JARID2: variants seen among roughly 807,000 people sequenced by gnomAD.
The protein encoded by JARID2 is protein Jumonji.
Under a neutral mutation model 125.6 loss-of-function variants are expected in JARID2, and 21 were observed. The observed-to-expected ratio is 0.17, with a 90% confidence interval of 0.12 to 0.24. The LOEUF (loss-of-function observed/expected upper bound fraction) is 0.24, where lower values mean the gene tolerates loss of function less well. Among genes scored for constraint, JARID2 ranks in the 10% least tolerant of loss-of-function variants. The probability of loss-of-function intolerance (pLI) is 1.00; values close to 1 mark genes in which losing one functional copy is unlikely to be tolerated. For missense variants in JARID2, 1,303 were observed against 1,639.6 expected (o/e 0.79, Z 3.55); for synonymous variants, 736 against 661.6 (o/e 1.11, Z -1.73).
chr6:15,345,776 A>G (rs1763223888), intron 1 of JARID2, among the ~76,000 whole-genome samples: 1 of 152,186 alleles, frequency 6.6e-6, no homozygotes, highest in Non-Finnish European at 1.5e-5. Flanking sequence ...TACATGGGCA[A>G]CATTGTAGTT....
At chr6:15,360,860 C>CA (rs199994681) in intron 1 of JARID2, among the ~76,000 whole-genome samples, 2,506 of 152,034 alleles carry the variant, frequency 0.016, 66 homozygotes, top group African/African-American at 0.057. Flanking sequence ...CCTTGTTAGC[C>CA]AAAAAAAGGC....
At chr6:15,363,009 G>T (rs1214663666) in intron 1 of JARID2, among the ~76,000 whole-genome samples, 1 of 152,118 alleles carries the variant, frequency 6.6e-6, no homozygotes, top group Non-Finnish European at 1.5e-5. Flanking sequence ...TTGTCAAGAA[G>T]ATGATTTAGT....
intron 1 of JARID2, among the ~76,000 whole-genome samples, chr6:15,343,108 A>T (rs373118999): frequency 2.6e-5 from 4 of 151,900 alleles, no homozygotes; most frequent in Admixed American, 1.3e-4. Context: ...TCATATCTGT[A>T]ATCGCAGCTA....
chr6:15,445,862 G>A (rs1288388264), intron 3 of JARID2, among the ~76,000 whole-genome samples: 2 of 152,194 alleles, frequency 1.3e-5, no homozygotes, highest in Admixed American at 6.5e-5. Flanking sequence ...CTGGTGCCTA[G>A]TTGGTATTTT....
At chr6:15,387,787 G>A (rs1764844230) in intron 2 of JARID2, among the ~76,000 whole-genome samples, 1 of 152,142 alleles carries the variant, frequency 6.6e-6, no homozygotes, top group Non-Finnish European at 1.5e-5. Context: ...AACTGCTTTT[G>A]ACAGGGGGAT....
intron 3 of JARID2, among the ~76,000 whole-genome samples, chr6:15,420,966 A>ACCCAACAAGC (rs1318533065): frequency 2.0e-5 from 3 of 152,226 alleles, no homozygotes; most frequent in Non-Finnish European, 4.4e-5. Flanking sequence ...GTAGCTTCCT[A>ACCCAACAAGC]ACACAAATGT....
chr6:15,497,318 C>CTCAACG, intron 7 of JARID2, 148 bp downstream of exon 7: 3 of 664,974 alleles, frequency 4.5e-6, no homozygotes, highest in Non-Finnish European at 7.6e-6. Context: ...TCAGCTCATT[C>CTCAACG]CCCCTGCAGC....
intron 5 of JARID2, among the ~76,000 whole-genome samples, chr6:15,469,850 T>C (rs539090748): frequency 4.0e-5 from 6 of 151,876 alleles, no homozygotes; most frequent in East Asian, 1.9e-4. Context: ...CCTGAACCAA[T>C]TGGAATTGCA....
intron 6 of JARID2, among the ~76,000 whole-genome samples, chr6:15,495,459 C>T (rs1362306654): frequency 6.6e-6 from 1 of 152,222 alleles, no homozygotes; most frequent in African/African-American, 2.4e-5. Context: ...CAGCCTGGCC[C>T]TGTCCAGGGC....
intron 5 of JARID2, among the ~76,000 whole-genome samples, chr6:15,484,159 C>T (rs1006898406): frequency 1.3e-5 from 2 of 151,758 alleles, no homozygotes; most frequent in African/African-American, 2.4e-5. Flanking sequence ...ACTGATCTGA[C>T]CATACGTCGC....
intron 2 of JARID2, among the ~76,000 whole-genome samples, chr6:15,396,029 A>T (rs1420909749): frequency 2.0e-5 from 3 of 152,082 alleles, no homozygotes; most frequent in Non-Finnish European, 2.9e-5. Flanking sequence ...CTTTTTTGTG[A>T]TTCTGGTTCA....
chr6:15,258,459 A>C (rs1759749221), intron 1 of JARID2, among the ~76,000 whole-genome samples: 1 of 152,154 alleles, frequency 6.6e-6, no homozygotes, highest in South Asian at 2.1e-4. Context: ...TGGGAGGCTG[A>C]ATCAAATGTT....
intron 2 of JARID2, among the ~76,000 whole-genome samples, chr6:15,399,267 C>T (rs1765333583): frequency 6.6e-6 from 1 of 152,148 alleles, no homozygotes; most frequent in Non-Finnish European, 1.5e-5. Context: ...ACCCCTTCTT[C>T]CCCAGTGCCA....
chr6:15,497,814 AT>A (rs1463638554), intron 7 of JARID2, among the ~76,000 whole-genome samples: 1 of 152,090 alleles, frequency 6.6e-6, no homozygotes, highest in Non-Finnish European at 1.5e-5. Context: ...TCCACACTGG[AT>A]TATAGAGGCT....
intron 17 of JARID2, among the ~76,000 whole-genome samples, chr6:15,519,401 G>A (rs1320989178): frequency 6.6e-6 from 1 of 152,142 alleles, no homozygotes; most frequent in Middle Eastern, 3.2e-3. Context: ...CAGAGGACTA[G>A]AGATCAGGCC....
At chr6:15,441,770 C>CTTTA (rs1156351142) in intron 3 of JARID2, among the ~76,000 whole-genome samples, 2 of 151,996 alleles carry the variant, frequency 1.3e-5, no homozygotes, top group African/African-American at 4.8e-5. Flanking sequence ...ACTGGATTTT[C>CTTTA]TTTATTTATT....
chr6:15,377,979 G>C (rs1402732267), intron 2 of JARID2, among the ~76,000 whole-genome samples: 1 of 151,260 alleles, frequency 6.6e-6, no homozygotes, highest in African/African-American at 2.4e-5. Context: ...TCTGCCTCCG[G>C]GTTCAAGTGA....
intron 1 of JARID2, among the ~76,000 whole-genome samples, chr6:15,353,571 A>G (rs1180186899): frequency 6.6e-6 from 1 of 152,180 alleles, no homozygotes; most frequent in Non-Finnish European, 1.5e-5. Flanking sequence ...GTGGTGAATT[A>G]AGTGTTCTAG....
intron 3 of JARID2, among the ~76,000 whole-genome samples, chr6:15,451,751 A>G (rs1767930495): frequency 6.6e-6 from 1 of 152,236 alleles, no homozygotes; most frequent in Non-Finnish European, 1.5e-5. Flanking sequence ...ATGTATTTCT[A>G]CACACATGTA....
Sources: allele counts gnomAD v4.1 joint callset (sites outside exome capture counted in the v4.1 genomes callset), GRCh38; gene constraint gnomAD v4.1.1; transcripts MANE v1.5; gene names NCBI Gene and HGNC (gene_info 2026-07-23, HGNC 2026-07-21).